The following PITPNM2 variants were observed in gnomAD, a reference collection of about 807,000 sequenced individuals.
PITPNM2 encodes membrane-associated phosphatidylinositol transfer protein 2.
PITPNM2 carries 35 observed loss-of-function variants against 132.2 expected under a neutral mutation model. That is an observed-to-expected ratio of 0.26 (90% CI 0.20 to 0.35). The LOEUF (loss-of-function observed/expected upper bound fraction) is 0.35. Among genes scored for constraint, PITPNM2 ranks in the 10% least tolerant of loss-of-function variants. The probability of loss-of-function intolerance (pLI) is 1.00; values close to 1 mark genes in which losing one functional copy is unlikely to be tolerated. For missense variants in PITPNM2, 1,332 were observed against 1,912.0 expected (o/e 0.70, Z 5.66); for synonymous variants, 738 against 799.2 (o/e 0.92, Z 1.29).
At position 123,095,882 on chromosome 12, in the gene PITPNM2, G is replaced by T. The variant is rs981950871; in HGVS notation, c.-96+14503C>A. Among the ~76,000 whole-genome samples, 2 of 152,210 alleles carry T rather than the reference G, an allele frequency of 1.3e-5. No homozygotes were observed. Among genetic ancestry groups the T allele is most frequent in the African/African-American group, 4.8e-5 (2 of 41,452 alleles). Reference sequence around the variant, plus strand: ...CTGAGGCTCCCTTCATGGGCTCCACGCCCCAGTGGCAGACCCCCCCAACCC... The same window carrying T: ...CTGAGGCTCCCTTCATGGGCTCCACTCCCCAGTGGCAGACCCCCCCAACCC... On this transcript the variant is annotated intron_variant, in intron 2 of 25. Coordinates refer to ENST00000320201, the MANE Select transcript of PITPNM2 (RefSeq NM_020845.3). The surrounding 1 kb of genome is among the most constrained non-coding windows in gnomAD (Gnocchi z 5.0).
At position 122,994,456 on chromosome 12, in the gene PITPNM2, C is replaced by T. The variant is rs1311930603; in HGVS notation, c.2233+345G>A. ...CTTTGGGGATGCCTGGCCTCTGCAT[C>T]TCTCCCTATGGGAGGACCTTGGACC... On this transcript the variant is annotated intron_variant, in intron 15 of 25. Coordinates refer to ENST00000320201, the MANE Select transcript of PITPNM2 (RefSeq NM_020845.3). This position sits in a 1 kb window ranked among gnomAD's most constrained non-coding sequence, Gnocchi z 5.4. Among the ~76,000 whole-genome samples, 1 of 152,196 alleles carries T rather than the reference C, an allele frequency of 6.6e-6. No homozygotes were observed. The highest frequency in any genetic ancestry group is 2.1e-4 in the South Asian group (1 of 4,822).
chr12:123,060,776 A>G (rs1191345066), intron 2 of PITPNM2, among the ~76,000 whole-genome samples: 12 of 152,136 alleles, frequency 7.9e-5, no homozygotes, highest in Non-Finnish European at 5.9e-5. Flanking sequence ...TCCTCCTTAT[A>G]GGTCACCACC....
At chr12:123,080,799 GA>G (rs2041937374) in intron 2 of PITPNM2, among the ~76,000 whole-genome samples, 1 of 152,206 alleles carries the variant, frequency 6.6e-6, no homozygotes, top group African/African-American at 2.4e-5. Flanking sequence ...CTTCAGCTGT[GA>G]ATGGGGCAAC....
At chr12:123,035,378 T>A (rs2040230082) in intron 2 of PITPNM2, among the ~76,000 whole-genome samples, 1 of 152,138 alleles carries the variant, frequency 6.6e-6, no homozygotes, top group South Asian at 2.1e-4. Context: ...CATTTTTTTT[T>A]AACTGGGCCG....
chr12:122,995,272 G>C, intron 14 of PITPNM2, 117 bp downstream of exon 14: 1 of 1,409,184 alleles, frequency 7.1e-7, no homozygotes, highest in Non-Finnish European at 9.4e-7. Context: ...GTCTCAGGCT[G>C]GGGGAACCTC....
At chr12:123,042,417 T>C (rs2040517653) in intron 2 of PITPNM2, among the ~76,000 whole-genome samples, 5 of 152,120 alleles carry the variant, frequency 3.3e-5, no homozygotes, top group Admixed American at 3.3e-4. Flanking sequence ...TTATAGAACT[T>C]AATCTGTTTT....
At chr12:122,999,899 G>C (rs1193226099) in intron 10 of PITPNM2, among the ~76,000 whole-genome samples, 2 of 152,180 alleles carry the variant, frequency 1.3e-5, no homozygotes, top group East Asian at 1.9e-4. Flanking sequence ...CCCTCCCCTG[G>C]GGGGGCGTCA....
At chr12:122,998,162 A>G (rs1372636514) in intron 10 of PITPNM2, among the ~76,000 whole-genome samples, 3 of 152,188 alleles carry the variant, frequency 2.0e-5, no homozygotes, top group African/African-American at 4.8e-5. Context: ...CATTCTCCCC[A>G]GGCCCCCACC....
At chr12:123,068,183 C>CACGGCCGGGA (rs2041491756) in intron 2 of PITPNM2, among the ~76,000 whole-genome samples, 1 of 90,512 alleles carries the variant, frequency 1.1e-5, no homozygotes, top group African/African-American at 4.7e-5. Flanking sequence ...AATCCACGGG[C>CACGGCCGGGA]ACGGCCGGGC....
In PITPNM2 at chr12:123,150,881, G is replaced by C. The variant is rs1246771004; in HGVS notation, c.-328C>G. Among the ~76,000 whole-genome samples, 2 of 145,216 alleles carry C rather than the reference G, an allele frequency of 1.4e-5. No homozygotes were observed. Among genetic ancestry groups the C allele is most frequent in the Non-Finnish European group, 3.1e-5 (2 of 65,474 alleles). ...GGCCGGCTGCGCCCCGCGCGCCCCC[G>C]CCGCCTGCTGGCCCCGGGCGAGCGG... On this transcript the variant is annotated 5_prime_UTR_variant, in exon 1 of 26. Transcript: ENST00000320201. The surrounding 1 kb of genome is among the most constrained non-coding windows in gnomAD (Gnocchi z 6.0).
In PITPNM2 at chr12:123,034,624, T is replaced by G. The variant is rs2040209247; in HGVS notation, c.-34A>C. ...CCAAGCCTTCCCGTCGATGGGGAACTGCAAGTTGGGACTTCTAGGCAAGGT... is the reference window on the plus strand; with the variant it reads ...CCAAGCCTTCCCGTCGATGGGGAACGGCAAGTTGGGACTTCTAGGCAAGGT... On this transcript the variant is annotated 5_prime_UTR_variant, in exon 3 of 26. Coordinates refer to ENST00000320201, the MANE Select transcript of PITPNM2 (RefSeq NM_020845.3). 2 of 1,596,462 alleles carry G rather than the reference T, an allele frequency of 1.3e-6. No homozygotes were observed. The highest frequency in any genetic ancestry group is 8.6e-7 in the Non-Finnish European group (1 of 1,163,952).
chr12:122,994,804 C>T lies in PITPNM2; in HGVS notation c.2230G>A (p.Asp744Asn), dbSNP rs2038350752. 2 of 1,609,262 alleles carry T rather than the reference C, an allele frequency of 1.2e-6. No individual in the cohort carries two copies. Among genetic ancestry groups the T allele is most frequent in the Non-Finnish European group, 1.7e-6 (2 of 1,179,272 alleles). ...CCTGCCCCTGCTGGGCTCTCACCAT[C>T]CAGGGCTGGGATGACAGTCTTCCTC... is the stretch of plus-strand genomic sequence containing the variant. Reference protein sequence around the residue: ...ALRKTVIPALDVFQLRPACQQ... With the variant: ...ALRKTVIPALNVFQLRPACQQ... Residue 744 changes from aspartate to asparagine, a missense_variant, in exon 15 of 26, where the codon GAT (aspartate) becomes AAT (asparagine). By Grantham distance (23) the Asp-to-Asn change is conservative. Around this residue, in one of 6 missense-constraint regions of PITPNM2, gnomAD observed 710 missense variants for 911.5 expected, o/e 0.78. Transcript: ENST00000320201. The surrounding 1 kb of genome is among the most constrained non-coding windows in gnomAD (Gnocchi z 5.4).
At chr12:123,093,068 T>A (rs1417588964) in intron 2 of PITPNM2, among the ~76,000 whole-genome samples, 1 of 152,222 alleles carries the variant, frequency 6.6e-6, no homozygotes, top group Non-Finnish European at 1.5e-5. Flanking sequence ...CTCAGATGCA[T>A]GCTCCTACAT....
At chr12:123,103,574 C>A (rs969270009) in intron 2 of PITPNM2, among the ~76,000 whole-genome samples, 2 of 152,220 alleles carry the variant, frequency 1.3e-5, no homozygotes, top group African/African-American at 4.8e-5. Flanking sequence ...CTGTCAGGAC[C>A]CTGTGGCTTG....
intron 2 of PITPNM2, among the ~76,000 whole-genome samples, chr12:123,067,983 C>T (rs768084295): frequency 5.3e-5 from 8 of 152,172 alleles, no homozygotes; most frequent in Admixed American, 1.3e-4. Flanking sequence ...TCAGGGCATG[C>T]GAGGAGCCAA....
At chr12:123,131,558 C>T (rs553818025) in intron 1 of PITPNM2, among the ~76,000 whole-genome samples, 2 of 152,290 alleles carry the variant, frequency 1.3e-5, no homozygotes, top group South Asian at 4.1e-4. Flanking sequence ...TGGTAGTGCA[C>T]AAGCCCCTGC....
rs572564935 is a variant in PITPNM2, at chr12:123,000,924, G to A, written c.1154-76C>T. The A allele has an allele frequency of 2.9e-3, 4,648 of 1,578,182 alleles. 10 individuals are homozygous for A. Among genetic ancestry groups the A allele is most frequent in the Non-Finnish European group, 3.5e-3 (3,972 of 1,148,404 alleles). On this transcript the variant is annotated intron_variant, in intron 9 of 25. Transcript: ENST00000320201. This position sits in a 1 kb window ranked among gnomAD's most constrained non-coding sequence, Gnocchi z 5.4. ...CCGACCGGACAGAGGCTGCAACTGTGACGAGGGGAGCTTGGGGGTCCCCAA... is the reference window on the plus strand; with the variant it reads ...CCGACCGGACAGAGGCTGCAACTGTAACGAGGGGAGCTTGGGGGTCCCCAA...
chr12:123,141,860 C>T (rs1291849129), intron 1 of PITPNM2, among the ~76,000 whole-genome samples: 2 of 152,174 alleles, frequency 1.3e-5, no homozygotes, highest in Non-Finnish European at 2.9e-5. Context: ...GAAAGTCATT[C>T]CCCTTTGTGG....
chr12:122,994,921 T>A lies in PITPNM2; in HGVS notation c.2113A>T (p.Met705Leu). ...PCSRHSSSST[M>L]LDGTGALGRF... ...CCCAGGGCACCTGTGCCATCCAGCA[T>A]GGTGGAGCTGCTGGAATGGCGTGAG... The change falls in exon 15 of 26, where the codon ATG becomes TTG. Residue 705 changes from methionine (M) to leucine (L), a missense_variant. Around this residue, in one of 6 missense-constraint regions of PITPNM2, gnomAD observed 710 missense variants for 911.5 expected, o/e 0.78. Coordinates refer to ENST00000320201, the MANE Select transcript of PITPNM2 (RefSeq NM_020845.3). The surrounding 1 kb of genome is among the most constrained non-coding windows in gnomAD (Gnocchi z 5.4). 1 of 1,611,972 alleles carries A rather than the reference T, an allele frequency of 6.2e-7. No individual in the cohort carries two copies. Among genetic ancestry groups the A allele is most frequent in the Non-Finnish European group, 8.5e-7 (1 of 1,179,820 alleles).
Sources: gnomAD v4.1 joint callset for allele counts (sites outside exome capture counted in the v4.1 genomes callset) on GRCh38, gnomAD v4.1.1 for gene constraint, gnomAD v4.1.1 regional missense constraint, Gnocchi (gnomAD v3.1) non-coding constraint, MANE v1.5 for transcripts, NCBI Gene and HGNC (gene_info 2026-07-23, HGNC 2026-07-21) for gene names.